Variants in IQUB observed in about 807,000 individuals in gnomAD.
IQUB encodes the protein IQ motif and ubiquitin-like domain-containing protein.
A neutral mutation model predicts 86.4 loss-of-function variants in IQUB; 86 were observed. The ratio of observed to expected loss-of-function variants is 1.00; its 90% CI spans 0.84 to 1.19. The LOEUF (loss-of-function observed/expected upper bound fraction) is 1.19, where lower values mean the gene tolerates loss of function less well. Ranked by LOEUF, IQUB falls within the 50% of genes most tolerant of loss-of-function variation. The pLI is 0.00. For missense variants in IQUB, 946 were observed against 916.9 expected, an observed-to-expected ratio of 1.03 and a Z score of -0.41; for synonymous variants, 289 against 304.5, an observed-to-expected ratio of 0.95 and a Z score of 0.53.
chr7:123,475,134 C>G (rs1452003220), intron 8 of IQUB, among the ~76,000 whole-genome samples: 1 of 152,106 alleles, frequency 6.6e-6, no homozygotes. Context: ...TCACACTGTA[C>G]ACCCACTGCC....
intron 7 of IQUB, among the ~76,000 whole-genome samples, chr7:123,491,419 T>C (rs1795456249): frequency 6.7e-6 from 1 of 150,250 alleles, no homozygotes; most frequent in South Asian, 2.1e-4. Flanking sequence ...AGGGGAAGAG[T>C]AATAAAACTG....
chr7:123,502,704 T>C lies in IQUB; in HGVS notation c.916A>G (p.Thr306Ala), dbSNP rs942842079. 5.0e-6 allele frequency: 8 copies of C among 1,609,428 alleles called. No individual in the cohort carries two copies. The Admixed American group carries it at 8.5e-5, about 17-fold the overall frequency. The change falls in exon 6 of 13, where the codon ACA (threonine) becomes GCA (alanine). Residue 306 changes from threonine to alanine, a missense_variant. By Grantham distance (58) the Thr-to-Ala change is moderately conservative (BLOSUM62 0). Transcript: ENST00000324698. The stretch of plus-strand genomic sequence containing the variant: ...TATACACCAATGTTAGTCATCTGTG[T>C]GGATGTTGTATTTGTAGTTTGTTGG... ...NLQQTTNTTS[T>A]QMTNIGVYVS... is the part of the protein sequence containing the mutation.
rs574467506 is a variant in IQUB, at chr7:123,484,260, G to A, written c.1235-4290C>T. Among the ~76,000 whole-genome samples the A allele has an allele frequency of 5.3e-5, 8 of 151,142 alleles. No individual in the cohort carries two copies. In the South Asian group the frequency reaches 1.7e-3, roughly 31 times the overall value. Reference sequence around the variant, plus strand: ...ATTGTAAATTTAAGAGCTAAATTATGTTATGAAAGTCTAAAAAATCTATGA... The same window carrying A: ...ATTGTAAATTTAAGAGCTAAATTATATTATGAAAGTCTAAAAAATCTATGA... On this transcript the variant is annotated intron_variant, in intron 7 of 12. Transcript: ENST00000324698.
intron 1 of IQUB, among the ~76,000 whole-genome samples, chr7:123,530,672 ATTT>A (rs377272603): frequency 2.0e-5 from 2 of 99,486 alleles, no homozygotes; most frequent in African/African-American, 4.2e-5. Context: ...TTGCTCTTTG[ATTT>A]TTTTTTTTTT....
chr7:123,477,995 G>C (rs143768328), intron 8 of IQUB, among the ~76,000 whole-genome samples: 34 of 152,274 alleles, frequency 2.2e-4, no homozygotes, highest in African/African-American at 6.5e-4. Flanking sequence ...GTTGGTGGGA[G>C]TGTAAACTAG....
At position 123,503,047 on chromosome 7, in the gene IQUB, C is replaced by T. The variant is rs1373147082; in HGVS notation, c.764G>A (p.Gly255Glu). The T allele has an allele frequency of 1.9e-6, 3 of 1,613,284 alleles. No individual in the cohort carries two copies. Among genetic ancestry groups the T allele is most frequent in the Non-Finnish European group, 2.5e-6 (3 of 1,179,540 alleles). Residue 255 changes from glycine (G) to glutamate (E), a missense_variant, in exon 5 of 13, where the codon GGA becomes GAA. Transcript: ENST00000324698. ...KSDFHKPFLGGFRHKVTGVEY... is the reference protein window; with the variant it reads ...KSDFHKPFLGEFRHKVTGVEY... ...TACTCCTGTTACTTTATGTCTGAAT[C>T]CACCAAGAAATGGTTTGTGAAAGTC... is the stretch of plus-strand genomic sequence containing the variant.
At chr7:123,520,903 T>G (rs1796873686) in intron 1 of IQUB, among the ~76,000 whole-genome samples, 1 of 152,210 alleles carries the variant, frequency 6.6e-6, no homozygotes, top group African/African-American at 2.4e-5. Flanking sequence ...GAATCAAGGA[T>G]ACTGCTAACA....
At chr7:123,489,997 A>G (rs6943524) in intron 7 of IQUB, among the ~76,000 whole-genome samples, 41,481 of 151,682 alleles carry the variant, frequency 0.27, 6,018 homozygotes, top group East Asian at 0.37. Context: ...TAATAAGAGG[A>G]GCAAATATAA....
At chr7:123,501,564 A>G (rs1162813753) in intron 6 of IQUB, 10 of 152,216 alleles carry the variant, frequency 6.6e-5, no homozygotes, top group African/African-American at 1.7e-4. Flanking sequence ...AAATTAGATC[A>G]GTAAGAAACA....
chr7:123,480,903 A>G (rs893005456), intron 7 of IQUB, among the ~76,000 whole-genome samples: 5 of 152,170 alleles, frequency 3.3e-5, no homozygotes. Flanking sequence ...TGCTGCACAA[A>G]CTTAAATAAA....
chr7:123,497,786 A>G lies in IQUB; in HGVS notation c.1024-880T>C, dbSNP rs1268201057. ...TCAAACTGAAGGGGTCCCCCAAAAGAATAGAAACTTTGAAGAATCCCTTCA... is the reference window on the plus strand; with the variant it reads ...TCAAACTGAAGGGGTCCCCCAAAAGGATAGAAACTTTGAAGAATCCCTTCA... On this transcript the variant is annotated intron_variant, in intron 6 of 12. Transcript: ENST00000324698. Among the ~76,000 whole-genome samples, 3 of 150,686 alleles carry G rather than the reference A, an allele frequency of 2.0e-5. No individual in the cohort carries two copies. The East Asian group carries it at 5.8e-4, about 29-fold the overall frequency.
chr7:123,522,894 C>T (rs923796546), intron 1 of IQUB, among the ~76,000 whole-genome samples: 14 of 140,162 alleles, frequency 1.0e-4, no homozygotes, highest in Non-Finnish European at 1.8e-4. Context: ...TGATGTTCCC[C>T]TTCCAGTGTC....
At chr7:123,495,985 G>A (rs897790406) in intron 7 of IQUB, among the ~76,000 whole-genome samples, 5 of 152,038 alleles carry the variant, frequency 3.3e-5, no homozygotes, top group Non-Finnish European at 5.9e-5. Flanking sequence ...AAAGTTTCAG[G>A]TGCAATGAGG....
chr7:123,511,572 T>A (rs986597321), intron 2 of IQUB, among the ~76,000 whole-genome samples: 11 of 152,230 alleles, frequency 7.2e-5, no homozygotes, highest in African/African-American at 2.7e-4. Context: ...CATGCACCTC[T>A]TGCTATTTAG....
intron 6 of IQUB, among the ~76,000 whole-genome samples, chr7:123,499,389 C>A (rs975316149): frequency 1.3e-5 from 2 of 152,172 alleles, no homozygotes; most frequent in South Asian, 2.1e-4. Context: ...GGATTACAAG[C>A]ATGTGCCTCA....
At chr7:123,483,368 G>A (rs555420483) in intron 7 of IQUB, among the ~76,000 whole-genome samples, 6 of 152,086 alleles carry the variant, frequency 3.9e-5, no homozygotes, top group Admixed American at 6.6e-5. Context: ...TTCAGATGGA[G>A]ATTATTATTA....
intron 1 of IQUB, among the ~76,000 whole-genome samples, chr7:123,513,010 T>A (rs1029131218): frequency 6.6e-6 from 1 of 151,966 alleles, no homozygotes; most frequent in African/African-American, 2.4e-5. Flanking sequence ...GAGAAACAAA[T>A]GTCCAATATA....
chr7:123,520,551 A>T (rs1245846658), intron 1 of IQUB, among the ~76,000 whole-genome samples: 1 of 152,208 alleles, frequency 6.6e-6, no homozygotes, highest in East Asian at 1.9e-4. Flanking sequence ...GCAAGGCATG[A>T]GGACAAATGG....
At chr7:123,468,480 GCTCT>G (rs1794361314) in intron 9 of IQUB, among the ~76,000 whole-genome samples, 1 of 152,146 alleles carries the variant, frequency 6.6e-6, no homozygotes, top group Non-Finnish European at 1.5e-5. Context: ...CCTGAGAATT[GCTCT>G]CTATTAAAGA....
Sources: gnomAD v4.1 joint callset for allele counts (sites outside exome capture counted in the v4.1 genomes callset) on GRCh38, gnomAD v4.1.1 for gene constraint, MANE v1.5 for transcripts, NCBI Gene and HGNC (gene_info 2026-07-23, HGNC 2026-07-21) for gene names.